CELF4: variants seen among roughly 807,000 people sequenced by gnomAD.
The protein encoded by CELF4 is CUGBP Elav-like family member 4, also known as CUG-BP- and ETR-3-like factor 4.
CELF4 carries 18 observed loss-of-function variants against 59.9 expected under a neutral mutation model. That is an observed-to-expected ratio of 0.30 (90% CI 0.21 to 0.45). CELF4 has a LOEUF of 0.45. Ranked by LOEUF, CELF4 falls within the 20% of genes least tolerant of loss-of-function variation. CELF4 has a pLI of 1.00. For synonymous variants in CELF4, 261 were observed against 267.1 expected, an observed-to-expected ratio of 0.98 and a Z score of 0.22; for missense variants, 456 against 689.0, an observed-to-expected ratio of 0.66 and a Z score of 3.79.
chr18:37,255,558 C>T (rs1023607588), intron 11 of CELF4, among the ~76,000 whole-genome samples: 25 of 151,312 alleles, frequency 1.7e-4, no homozygotes, highest in African/African-American at 5.1e-4. Context: ...CATATTTCCA[C>T]CAGCTCCCCT....
intron 2 of CELF4, among the ~76,000 whole-genome samples, chr18:37,414,262 G>A (rs1206039000): frequency 6.8e-6 from 1 of 147,640 alleles, no homozygotes; most frequent in East Asian, 2.0e-4. Context: ...ATTCATACTT[G>A]CATACATGCC....
At chr18:37,248,400 A>C (rs990652192) in intron 12 of CELF4, among the ~76,000 whole-genome samples, 38 of 152,316 alleles carry the variant, frequency 2.5e-4, no homozygotes, top group African/African-American at 8.7e-4. Flanking sequence ...AAGGTTCTGC[A>C]GCCCTGACCC....
intron 3 of CELF4, among the ~76,000 whole-genome samples, chr18:37,277,433 T>A (rs2093493878): frequency 1.3e-5 from 2 of 152,110 alleles, no homozygotes; most frequent in Admixed American, 1.3e-4. Context: ...CTCCCCCACT[T>A]ACTCCAGGCT....
intron 2 of CELF4, among the ~76,000 whole-genome samples, chr18:37,428,464 C>T (rs553387060): frequency 6.6e-6 from 1 of 152,180 alleles, no homozygotes; most frequent in Admixed American, 6.5e-5. Flanking sequence ...TATGGGAGTG[C>T]ATCTTTTGGG....
intron 1 of CELF4, among the ~76,000 whole-genome samples, chr18:37,515,003 G>T (rs946696955): frequency 6.6e-6 from 1 of 152,094 alleles, no homozygotes; most frequent in Non-Finnish European, 1.5e-5. Context: ...TCCATTGCGG[G>T]AACATAATTT....
chr18:37,309,847 G>T (rs933343992), intron 3 of CELF4, among the ~76,000 whole-genome samples: 1 of 148,988 alleles, frequency 6.7e-6, no homozygotes, highest in Non-Finnish European at 1.5e-5. Context: ...TGCCTTGCTT[G>T]TCTCTGTTTT....
intron 2 of CELF4, among the ~76,000 whole-genome samples, chr18:37,377,947 A>G (rs1330623198): frequency 1.3e-5 from 2 of 151,998 alleles, no homozygotes; most frequent in African/African-American, 4.8e-5. Context: ...ACAGGAGAGA[A>G]CCTCTAAGGC....
At chr18:37,557,769 C>G (rs1178615433) in intron 1 of CELF4, among the ~76,000 whole-genome samples, 2 of 152,162 alleles carry the variant, frequency 1.3e-5, no homozygotes, top group Non-Finnish European at 2.9e-5. Context: ...TCTGTCCCCA[C>G]AGAAGCAGGA....
intron 3 of CELF4, among the ~76,000 whole-genome samples, chr18:37,293,613 A>T (rs939061884): frequency 1.8e-4 from 27 of 152,152 alleles, no homozygotes; most frequent in African/African-American, 6.5e-4. Context: ...CCCACTCCAG[A>T]CACTGTAGGC....
chr18:37,397,689 G>C (rs1430817948), intron 2 of CELF4, among the ~76,000 whole-genome samples: 2 of 152,232 alleles, frequency 1.3e-5, no homozygotes. Flanking sequence ...CCAGCTCCTG[G>C]CTTATGGCAC....
chr18:37,345,595 G>A (rs2098225303), intron 2 of CELF4, among the ~76,000 whole-genome samples: 2 of 152,178 alleles, frequency 1.3e-5, no homozygotes, highest in South Asian at 4.1e-4. Flanking sequence ...ACTTTCCTAT[G>A]GGTGGAGTGG....
intron 2 of CELF4, among the ~76,000 whole-genome samples, chr18:37,440,483 G>A (rs2099709104): frequency 6.6e-6 from 1 of 152,202 alleles, no homozygotes; most frequent in South Asian, 2.1e-4. Context: ...TCTACCATCT[G>A]AGGAGCATTT....
At chr18:37,259,405 C>A in intron 10 of CELF4, 141 bp from the exon 11 acceptor site, 1 of 612,072 alleles carries the variant, frequency 1.6e-6, no homozygotes, top group Non-Finnish European at 2.9e-6. Context: ...CATTCCAGAT[C>A]CAAGGGCGCC....
intron 2 of CELF4, among the ~76,000 whole-genome samples, chr18:37,411,009 T>C (rs992868060): frequency 3.9e-5 from 6 of 152,014 alleles, no homozygotes; most frequent in Non-Finnish European, 7.4e-5. Flanking sequence ...CAGGCTGGAG[T>C]GAAGTGGCAC....
At chr18:37,491,221 T>C (rs2099903718) in intron 1 of CELF4, among the ~76,000 whole-genome samples, 1 of 141,812 alleles carries the variant, frequency 7.1e-6, no homozygotes, top group Non-Finnish European at 1.5e-5. Flanking sequence ...CGTGCCCACC[T>C]CCTCTCCTCA....
intron 2 of CELF4, among the ~76,000 whole-genome samples, chr18:37,418,457 C>T (rs1382901045): frequency 6.6e-6 from 1 of 152,170 alleles, no homozygotes; most frequent in Non-Finnish European, 1.5e-5. Context: ...TGGGGCCTTC[C>T]TAGACTTGGC....
At chr18:37,517,873 C>T (rs377323458) in intron 1 of CELF4, among the ~76,000 whole-genome samples, 1 of 152,156 alleles carries the variant, frequency 6.6e-6, no homozygotes, top group Non-Finnish European at 1.5e-5. Context: ...CAGGATTCCC[C>T]GTGGCAGATC....
intron 2 of CELF4, among the ~76,000 whole-genome samples, chr18:37,357,592 G>A (rs1374997851): frequency 6.6e-6 from 1 of 152,184 alleles, no homozygotes; most frequent in Non-Finnish European, 1.5e-5. Context: ...TAGTGAAGCT[G>A]TGAGAAGAAG....
chr18:37,351,802 C>A (rs1246175826), intron 2 of CELF4, among the ~76,000 whole-genome samples: 1 of 151,980 alleles, frequency 6.6e-6, no homozygotes, highest in Admixed American at 6.6e-5. Flanking sequence ...TTAGTAGAGA[C>A]AGGATTTTGC....
Sources: gnomAD v4.1 joint callset for allele counts (sites outside exome capture counted in the v4.1 genomes callset) on GRCh38, gnomAD v4.1.1 for gene constraint, MANE v1.5 for transcripts, NCBI Gene and HGNC (gene_info 2026-07-23, HGNC 2026-07-21) for gene names.